The following LCOR variants were observed in gnomAD, a reference collection of about 807,000 sequenced individuals.
LCOR encodes ligand dependent nuclear receptor corepressor.
In LCOR, 14 loss-of-function variants were observed where a neutral mutation model predicts 64.4. That is an observed-to-expected ratio of 0.22 (90% CI 0.14 to 0.34). The LOEUF (loss-of-function observed/expected upper bound fraction) is 0.34, where lower values mean the gene tolerates loss of function less well. Among genes scored for constraint, LCOR ranks in the 10% least tolerant of loss-of-function variants. The pLI, the probability that LCOR is intolerant of heterozygous loss-of-function variation, is 1.00. For synonymous variants in LCOR, 643 were observed against 642.5 expected, an observed-to-expected ratio of 1.00 and a Z score of -0.01; for missense variants, 1,686 against 1,765.3, an observed-to-expected ratio of 0.96 and a Z score of 0.80.
chr10:96,843,703 C>A (rs751465609), intron 2 of LCOR, among the ~76,000 whole-genome samples: 14 of 152,262 alleles, frequency 9.2e-5, no homozygotes, highest in Non-Finnish European at 1.8e-4. Flanking sequence ...CTTGTTTCAT[C>A]CCTAACTGAA....
chr10:96,956,901 G>A, intron 7 of LCOR: 1 of 985,160 alleles, frequency 1.0e-6, no homozygotes, highest in South Asian at 4.7e-5. Context: ...TCTCTTTATT[G>A]GGGATGGGAG....
At chr10:96,928,296 A>T (rs1847201647) in intron 4 of LCOR, among the ~76,000 whole-genome samples, 1 of 152,174 alleles carries the variant, frequency 6.6e-6, no homozygotes, top group African/African-American at 2.4e-5. Context: ...TTTGCTTAAT[A>T]TTCTATATCC....
chr10:96,878,896 G>A lies in LCOR; in HGVS notation c.-329-28369G>A, dbSNP rs558771647. 7.9e-5 allele frequency among the ~76,000 whole-genome samples: 12 copies of A among 152,154 alleles called. No homozygotes were observed. In the South Asian group the frequency reaches 2.3e-3, roughly 29 times the overall value. ...CAGCAGTGACCTCCCAGGCTCAAGC[G>A]ATCTTCCCATTCACTTCAGCCTCCC... is the stretch of plus-strand genomic sequence containing the variant. On this transcript the variant is annotated intron_variant, in intron 2 of 7. Coordinates refer to ENST00000421806, the MANE Select transcript of LCOR (RefSeq NM_001346516.2).
At chr10:96,945,995 G>A (rs1847584115) in intron 5 of LCOR, among the ~76,000 whole-genome samples, 1 of 151,554 alleles carries the variant, frequency 6.6e-6, no homozygotes, top group Admixed American at 6.6e-5. Flanking sequence ...CTTGGAATTG[G>A]TCTTAGGATA....
rs1310156964 is a variant in LCOR, at chr10:96,981,115, A to T, written c.655A>T (p.Thr219Ser). 5.7e-6 allele frequency: 4 copies of T among 703,326 alleles called. No homozygotes were observed. Among genetic ancestry groups the T allele is most frequent in the African/African-American group, 1.7e-5 (1 of 57,264 alleles). 43.6% of individuals were successfully genotyped at this position (703,326 alleles called of 1,614,324 possible). A position where few individuals can be genotyped will look rare whatever the true frequency, so the allele number is the denominator to read the frequency against. ...SSDSHSPLHLTEQTPKKPPPE... is the reference protein window; with the variant it reads ...SSDSHSPLHLSEQTPKKPPPE... ...AGACTCTCACAGCCCTCTACACTTGACGGAACAGACCCCGAAGAAGCCTCC... is the reference window on the plus strand; with the variant it reads ...AGACTCTCACAGCCCTCTACACTTGTCGGAACAGACCCCGAAGAAGCCTCC... Residue 219 changes from threonine (T) to serine (S), a missense_variant, in exon 8 of 8, where the codon ACG becomes TCG. Transcript: ENST00000421806.
intron 2 of LCOR, among the ~76,000 whole-genome samples, chr10:96,869,764 A>C (rs1400782048): frequency 6.6e-6 from 1 of 151,466 alleles, no homozygotes; most frequent in African/African-American, 2.4e-5. Flanking sequence ...TAGTAGAGAC[A>C]GGGTTTCTCC....
intron 7 of LCOR, chr10:96,955,677 A>G (rs1274505831): frequency 6.2e-7 from 1 of 1,614,070 alleles, no homozygotes; most frequent in Non-Finnish European, 8.5e-7. Flanking sequence ...CAACAGTGAG[A>G]TACTGGAGGA....
At chr10:96,934,853 C>T (rs1455327337) in intron 4 of LCOR, among the ~76,000 whole-genome samples, 2 of 152,198 alleles carry the variant, frequency 1.3e-5, no homozygotes, top group South Asian at 2.1e-4. Context: ...CTGCTCGCCT[C>T]GGCCTCCAAA....
chr10:96,832,926 C>A, intron 1 of LCOR: 2 of 939,702 alleles, frequency 2.1e-6, no homozygotes, highest in Non-Finnish European at 2.5e-6. Context: ...GCGCGGCGGG[C>A]TGCAGGCGGG....
Position 96,949,287 on chromosome 10 carries a change from G to A in LCOR, c.230G>A (p.Ser77Asn). 1 of 1,613,984 alleles carries A rather than the reference G, an allele frequency of 6.2e-7. No individual in the cohort carries two copies. Among genetic ancestry groups the A allele is most frequent in the Non-Finnish European group, 8.5e-7 (1 of 1,179,962 alleles). Residue 77 changes from serine to asparagine, a missense_variant, in exon 6 of 8, where the codon AGC becomes AAC. Transcript: ENST00000421806. ...GTCAGAAAGTCTCAGTCAGAACCTA[G>A]CGAACAAGGTATGGTTTGATGTCAA... ...LTVRKSQSEP[S>N]EQDGVLDLST...
At chr10:96,914,702 G>A (rs554668755) in intron 4 of LCOR, among the ~76,000 whole-genome samples, 2 of 152,360 alleles carry the variant, frequency 1.3e-5, no homozygotes, top group Admixed American at 6.5e-5. Context: ...ACCGAATGAA[G>A]TCTTTATCTA....
chr10:96,969,734 T>C (rs993725264), intron 7 of LCOR, among the ~76,000 whole-genome samples: 2 of 151,774 alleles, frequency 1.3e-5, no homozygotes, highest in African/African-American at 2.4e-5. Context: ...TAACATAGTT[T>C]AGAGGTGTTC....
chr10:96,908,720 ACT>A lies in LCOR; in HGVS notation c.-184+976_-184+977del, dbSNP rs1369283362. Among the ~76,000 whole-genome samples the A allele has an allele frequency of 2.7e-5, 3 of 110,438 alleles. No individual in the cohort carries two copies. In the East Asian group the frequency reaches 6.5e-4, roughly 24 times the overall value. 72.5% of individuals were successfully genotyped at this position (110,438 alleles called of 152,430 possible). A position where few individuals can be genotyped will look rare whatever the true frequency, so the allele number is the denominator to read the frequency against. ...GAAAATGCTTTCTTCTGCCGTATAC[ACT>A]CTTTTTTTTTTGAGATGGAGTCTCA... On this transcript the variant is annotated intron_variant, in intron 4 of 7. Transcript: ENST00000421806.
intron 4 of LCOR, among the ~76,000 whole-genome samples, chr10:96,909,966 T>G (rs1201610366): frequency 1.3e-5 from 2 of 152,104 alleles, no homozygotes; most frequent in African/African-American, 4.8e-5. Flanking sequence ...AGTTACTAAT[T>G]TTTTTTTCAG....
intron 4 of LCOR, among the ~76,000 whole-genome samples, chr10:96,924,724 G>C (rs997518074): frequency 1.3e-5 from 2 of 151,700 alleles, no homozygotes; most frequent in Non-Finnish European, 2.9e-5. Context: ...GCATTTTCTT[G>C]AGCCATATGA....
chr10:96,942,647 A>G (rs1016021440), intron 4 of LCOR, among the ~76,000 whole-genome samples: 3 of 152,206 alleles, frequency 2.0e-5, no homozygotes, highest in Admixed American at 1.3e-4. Context: ...TGCTAAATAC[A>G]TATTTTGGTT....
chr10:96,955,739 T>C (rs1389907111), intron 7 of LCOR: 6 of 1,613,562 alleles, frequency 3.7e-6, no homozygotes, highest in Non-Finnish European at 4.2e-6. Context: ...AAGCTCAGAG[T>C]ATTTATGGGA....
At chr10:96,918,678 T>C (rs1442413746) in intron 4 of LCOR, among the ~76,000 whole-genome samples, 2 of 152,180 alleles carry the variant, frequency 1.3e-5, no homozygotes, top group Non-Finnish European at 2.9e-5. Flanking sequence ...TTACTGGACA[T>C]TGGTAGGAGA....
At chr10:96,915,740 C>A in intron 4 of LCOR, 1 of 648,538 alleles carries the variant, frequency 1.5e-6, no homozygotes. Context: ...TTCCTTTTTC[C>A]CTTTGGGTAC....
Sources: allele counts gnomAD v4.1 joint callset (sites outside exome capture counted in the v4.1 genomes callset), GRCh38; gene constraint gnomAD v4.1.1; transcripts MANE v1.5; gene names NCBI Gene and HGNC (gene_info 2026-07-23, HGNC 2026-07-21).